The following SDK1 variants were observed in gnomAD, a reference collection of about 807,000 sequenced individuals.
The protein encoded by SDK1 is sidekick cell adhesion molecule 1.
SDK1 carries 157 observed loss-of-function variants against 245.5 expected under a neutral mutation model. That is an observed-to-expected ratio of 0.64 (90% CI 0.56 to 0.73). The LOEUF (loss-of-function observed/expected upper bound fraction) is 0.73. Ranked by LOEUF, SDK1 falls within the 30% of genes least tolerant of loss-of-function variation. The pLI, the probability that SDK1 is intolerant of heterozygous loss-of-function variation, is 0.00. For synonymous variants in SDK1, 1,647 were observed against 1,278.5 expected, an observed-to-expected ratio of 1.29 and a Z score of -6.15; for missense variants, 3,583 against 3,002.3, an observed-to-expected ratio of 1.19 and a Z score of -4.52.
intron 1 of SDK1, among the ~76,000 whole-genome samples, chr7:3,555,620 C>A (rs927380962): frequency 1.1e-4 from 16 of 152,048 alleles, no homozygotes; most frequent in Non-Finnish European, 1.5e-4. Flanking sequence ...GGAAAACAAT[C>A]AACAAAGCAA....
In SDK1 at chr7:3,967,063, G is replaced by A. The variant is rs141021832; in HGVS notation, c.1430-255G>A. ...ATATTCATCAAAAACTGTTCTTCCT[G>A]GGCCCCTGCACGTTTCCACTTGTGT... On this transcript the variant is annotated intron_variant, in intron 9 of 44. Transcript: ENST00000404826. Among the ~76,000 whole-genome samples the A allele has an allele frequency of 3.3e-3, 504 of 152,228 alleles. 3 individuals are homozygous for A. Among genetic ancestry groups the A allele is most frequent in the African/African-American group, 0.011 (475 of 41,526 alleles).
intron 44 of SDK1, among the ~76,000 whole-genome samples, chr7:4,260,457 G>T (rs1293730970): frequency 3.0e-4 from 42 of 138,220 alleles, no homozygotes; most frequent in Non-Finnish European, 3.1e-5. Context: ...TGGCTGCTCC[G>T]GGGTCTCTGT....
At chr7:3,403,852 T>TA (rs1562466147) in intron 1 of SDK1, among the ~76,000 whole-genome samples, 1 of 98,642 alleles carries the variant, frequency 1.0e-5, no homozygotes, top group Non-Finnish European at 1.9e-5. Flanking sequence ...TATATATATA[T>TA]ATATATATAT....
intron 2 of SDK1, among the ~76,000 whole-genome samples, chr7:3,628,673 A>G (rs1425707918): frequency 1.3e-5 from 2 of 152,172 alleles, no homozygotes; most frequent in South Asian, 2.1e-4. Flanking sequence ...TTGTCTCCCT[A>G]AAAACTGGCA....
At chr7:3,812,901 GTTGGT>G (rs1440293726) in intron 4 of SDK1, among the ~76,000 whole-genome samples, 1 of 152,156 alleles carries the variant, frequency 6.6e-6, no homozygotes, top group African/African-American at 2.4e-5. Context: ...AGTGGTTTCT[GTTGGT>G]TTGAAATCAC....
chr7:4,174,226 C>G lies in SDK1; in HGVS notation c.4805C>G (p.Pro1602Arg), dbSNP rs539173474. ...TSSVLIQWQP[P>R]RDESLNGLLQ... ...GTCGGTGTGATGTCTTTGCAGCCTC[C>G]GAGGGACGAAAGCCTGAATGGCCTT... Residue 1602 changes from proline (P) to arginine (R), a missense_variant, in exon 33 of 45, where the codon CCG (proline) becomes CGG (arginine). Coordinates refer to ENST00000404826, the MANE Select transcript of SDK1 (RefSeq NM_152744.4). The G allele has an allele frequency of 1.2e-6, 2 of 1,613,978 alleles. No homozygotes were observed. Among genetic ancestry groups the G allele is most frequent in the Non-Finnish European group, 8.5e-7 (1 of 1,179,932 alleles).
chr7:4,161,696 C>A (rs902484216), intron 31 of SDK1, 90 bp from the exon 32 acceptor site: 2 of 1,031,262 alleles, frequency 1.9e-6, no homozygotes, highest in Non-Finnish European at 3.0e-6. Context: ...GGCTCACCAG[C>A]CTCCCCATAC....
chr7:4,075,498 G>T (rs372865131), intron 20 of SDK1, among the ~76,000 whole-genome samples: 1 of 152,280 alleles, frequency 6.6e-6, no homozygotes. Context: ...AAATAGGGAA[G>T]AGCAAGCGTT....
At chr7:3,362,467 CAT>C (rs1207748600) in intron 1 of SDK1, among the ~76,000 whole-genome samples, 1 of 152,090 alleles carries the variant, frequency 6.6e-6, no homozygotes, top group African/African-American at 2.4e-5. Flanking sequence ...GCACCAAACT[CAT>C]AATTCTTGGA....
chr7:4,176,835 T>G (rs1228416996), intron 34 of SDK1, among the ~76,000 whole-genome samples: 1 of 152,202 alleles, frequency 6.6e-6, no homozygotes, highest in Non-Finnish European at 1.5e-5. Flanking sequence ...GACTGAATAA[T>G]ATCCCATCGA....
intron 4 of SDK1, among the ~76,000 whole-genome samples, chr7:3,816,124 A>G (rs1490149082): frequency 2.1e-5 from 3 of 140,646 alleles, no homozygotes; most frequent in Non-Finnish European, 3.1e-5. Flanking sequence ...ATAGCACTAA[A>G]TGCCCACAAG....
At chr7:3,634,168 A>G (rs560566461) in intron 2 of SDK1, among the ~76,000 whole-genome samples, 9 of 152,234 alleles carry the variant, frequency 5.9e-5, no homozygotes, top group Admixed American at 5.9e-4. Flanking sequence ...CTTTAATTTG[A>G]GATAAGCCCC....
intron 5 of SDK1, among the ~76,000 whole-genome samples, chr7:3,826,399 T>C (rs1021838594): frequency 3.9e-5 from 6 of 152,202 alleles, no homozygotes; most frequent in Non-Finnish European, 8.8e-5. Context: ...ATCTAGTTTT[T>C]TGGAAAAATT....
chr7:3,630,896 T>C (rs887194079), intron 2 of SDK1, among the ~76,000 whole-genome samples: 1 of 152,000 alleles, frequency 6.6e-6, no homozygotes, highest in Non-Finnish European at 1.5e-5. Context: ...AACTAAAATC[T>C]AAAATTCATC....
At chr7:3,620,101 C>T (rs1781889772) in intron 2 of SDK1, among the ~76,000 whole-genome samples, 1 of 151,956 alleles carries the variant, frequency 6.6e-6, no homozygotes. Flanking sequence ...AAAGAGTGGG[C>T]TGTATAGAGG....
intron 38 of SDK1, among the ~76,000 whole-genome samples, chr7:4,215,288 G>A (rs1325517232): frequency 6.6e-6 from 1 of 152,186 alleles, no homozygotes; most frequent in African/African-American, 2.4e-5. Context: ...TGGTGAAGGT[G>A]GAGGTGGCAG....
At chr7:3,375,873 G>A (rs570113648) in intron 1 of SDK1, among the ~76,000 whole-genome samples, 1 of 152,284 alleles carries the variant, frequency 6.6e-6, no homozygotes, top group Non-Finnish European at 1.5e-5. Context: ...TCACAGAAAT[G>A]GTGTGAGAAA....
intron 1 of SDK1, among the ~76,000 whole-genome samples, chr7:3,614,226 C>G (rs1342271533): frequency 2.0e-5 from 3 of 152,156 alleles, no homozygotes; most frequent in Non-Finnish European, 2.9e-5. Context: ...GAGACTCTCT[C>G]TTTCATAAAT....
chr7:3,690,615 T>A lies in SDK1; in HGVS notation c.713+48510T>A, dbSNP rs75020527. The stretch of plus-strand genomic sequence containing the variant: ...AATTATAAGATCATAGTATAGCTTT[T>A]ACAGATAAGTCACCAGGAAGACATC... On this transcript the variant is annotated intron_variant, in intron 4 of 44. Transcript: ENST00000404826. Among the ~76,000 whole-genome samples the A allele has an allele frequency of 4.2e-3, 638 of 152,250 alleles. 4 individuals carry two copies. Among genetic ancestry groups the A allele is most frequent in the African/African-American group, 0.015 (617 of 41,556 alleles).
Sources: gnomAD v4.1 joint callset for allele counts (sites outside exome capture counted in the v4.1 genomes callset) on GRCh38, gnomAD v4.1.1 for gene constraint, MANE v1.5 for transcripts, NCBI Gene and HGNC (gene_info 2026-07-23, HGNC 2026-07-21) for gene names.